The following FSTL4 variants were observed in gnomAD, a reference collection of about 807,000 sequenced individuals.
FSTL4 encodes follistatin-related protein 4.
Under a neutral mutation model 78.2 loss-of-function variants are expected in FSTL4, and 28 were observed. The ratio of observed to expected loss-of-function variants is 0.36; its 90% CI spans 0.27 to 0.49. The LOEUF (loss-of-function observed/expected upper bound fraction) is 0.49. FSTL4 is among the 20% of genes least tolerant of loss of function. FSTL4 has a pLI of 0.98. For synonymous variants in FSTL4, 422 were observed against 440.5 expected, an observed-to-expected ratio of 0.96 and a Z score of 0.53; for missense variants, 922 against 1,084.9, an observed-to-expected ratio of 0.85 and a Z score of 2.11.
chr5:133,399,531 G>C (rs1326711241), intron 4 of FSTL4, among the ~76,000 whole-genome samples: 4 of 152,300 alleles, frequency 2.6e-5, no homozygotes, highest in Admixed American at 1.3e-4. Flanking sequence ...AGATGTAACA[G>C]AGGCCAACAC....
chr5:133,837,316 C>T, the FSTL4 span, among the ~76,000 whole-genome samples: 1 of 152,112 alleles, frequency 6.6e-6, no homozygotes, highest in Non-Finnish European at 1.5e-5. Flanking sequence ...TGTTGTTGCT[C>T]AAATTCTTGA....
At chr5:133,815,106 A>C in the FSTL4 span, among the ~76,000 whole-genome samples, 46 of 152,296 alleles carry the variant, frequency 3.0e-4, no homozygotes, top group East Asian at 8.1e-3. Context: ...CTAGGATAAG[A>C]CCCGTGGCCT....
chr5:133,815,117 A>G, the FSTL4 span, among the ~76,000 whole-genome samples: 407 of 152,346 alleles, frequency 2.7e-3, 1 homozygote, highest in African/African-American at 9.6e-3. Context: ...CCCGTGGCCT[A>G]AAAGGACAGA....
chr5:133,644,804 C>A, the FSTL4 span, among the ~76,000 whole-genome samples: 1 of 152,144 alleles, frequency 6.6e-6, no homozygotes, highest in Non-Finnish European at 1.5e-5. Flanking sequence ...TGGTCAACAT[C>A]CACAAGCTCC....
At chr5:133,423,100 A>G (rs767354619) in intron 3 of FSTL4, among the ~76,000 whole-genome samples, 2 of 152,200 alleles carry the variant, frequency 1.3e-5, no homozygotes, top group Non-Finnish European at 2.9e-5. Context: ...GGGGAAATGG[A>G]AAGAAAAAGA....
the FSTL4 span, among the ~76,000 whole-genome samples, chr5:133,722,402 T>A: frequency 6.6e-6 from 1 of 152,186 alleles, no homozygotes; most frequent in African/African-American, 2.4e-5. Flanking sequence ...GTATGTTTTT[T>A]ATTTTATCAA....
At chr5:133,602,631 C>T (rs1042352013) in intron 2 of FSTL4, among the ~76,000 whole-genome samples, 1 of 152,170 alleles carries the variant, frequency 6.6e-6, no homozygotes, top group Non-Finnish European at 1.5e-5. Flanking sequence ...AAGGGAAATG[C>T]TGTTCTCACC....
the FSTL4 span, among the ~76,000 whole-genome samples, chr5:133,661,258 G>A: frequency 6.6e-6 from 1 of 152,196 alleles, no homozygotes; most frequent in South Asian, 2.1e-4. Context: ...CCAAAGTGCC[G>A]GGATTACAGG....
At chr5:133,293,822 A>C (rs1753323231) in intron 6 of FSTL4, among the ~76,000 whole-genome samples, 1 of 152,188 alleles carries the variant, frequency 6.6e-6, no homozygotes, top group Non-Finnish European at 1.5e-5. Flanking sequence ...CTTTGCACTA[A>C]TAAATATTGC....
At chr5:133,714,917 G>A in the FSTL4 span, among the ~76,000 whole-genome samples, 3 of 152,260 alleles carry the variant, frequency 2.0e-5, 1 homozygote, top group South Asian at 6.2e-4. Flanking sequence ...TGAGACTTAT[G>A]CACCAGCTGG....
intron 3 of FSTL4, among the ~76,000 whole-genome samples, chr5:133,460,111 G>GC (rs1392615702): frequency 6.6e-6 from 1 of 152,178 alleles, no homozygotes; most frequent in African/African-American, 2.4e-5. Flanking sequence ...GGGTATTTAA[G>GC]CCCCCATAAA....
At chr5:133,609,130 G>A (rs1761036190) in intron 1 of FSTL4, among the ~76,000 whole-genome samples, 1 of 152,116 alleles carries the variant, frequency 6.6e-6, no homozygotes, top group Admixed American at 6.5e-5. Flanking sequence ...TACAGAAATG[G>A]CTTCTTTTTG....
At chr5:133,725,043 C>G in the FSTL4 span, among the ~76,000 whole-genome samples, 1 of 152,178 alleles carries the variant, frequency 6.6e-6, no homozygotes, top group Non-Finnish European at 1.5e-5. Context: ...GGGAGGATTT[C>G]TGGACCCTAT....
At chr5:133,794,396 T>G in the FSTL4 span, among the ~76,000 whole-genome samples, 1 of 152,232 alleles carries the variant, frequency 6.6e-6, no homozygotes, top group Non-Finnish European at 1.5e-5. Flanking sequence ...TTAGTGTGGC[T>G]GACCAAGGCC....
chr5:133,640,478 G>A, the FSTL4 span, among the ~76,000 whole-genome samples: 1 of 152,148 alleles, frequency 6.6e-6, no homozygotes, highest in African/African-American at 2.4e-5. Context: ...TTCAAAGCAA[G>A]GTCAGAGTTG....
chr5:133,386,146 A>G (rs1037839668), intron 4 of FSTL4, among the ~76,000 whole-genome samples: 1 of 152,246 alleles, frequency 6.6e-6, no homozygotes, highest in African/African-American at 2.4e-5. Context: ...ACAGAATTAA[A>G]GAACAGAAAG....
Position 133,390,752 on chromosome 5 carries a change from G to A in FSTL4, c.409+9986C>T, listed in dbSNP as rs191956254. Among the ~76,000 whole-genome samples the A allele has an allele frequency of 2.7e-3, 412 of 152,324 alleles. 2 individuals are homozygous for A. Among genetic ancestry groups the A allele is most frequent in the Middle Eastern group, 0.01 (3 of 294 alleles). ...GATGAGCAGTCATTTACTCTCCCCT[G>A]GGTCACTGCCTCCTGATCCCCCTCA... is the stretch of plus-strand genomic sequence containing the variant. On this transcript the variant is annotated intron_variant, in intron 4 of 15. Coordinates refer to ENST00000265342, the MANE Select transcript of FSTL4 (RefSeq NM_015082.2).
chr5:133,775,530 A>T, the FSTL4 span, among the ~76,000 whole-genome samples: 4 of 152,236 alleles, frequency 2.6e-5, no homozygotes, highest in Non-Finnish European at 5.9e-5. Context: ...ATTGACGACA[A>T]AAACCACCGA....
At chr5:133,635,302 C>G in the FSTL4 span, among the ~76,000 whole-genome samples, 108,664 of 152,156 alleles carry the variant, frequency 0.71, 39,209 homozygotes, top group African/African-American at 0.81. Context: ...GGTCAGAGAA[C>G]ACAAGGTAGC....
Sources: gnomAD v4.1 joint callset for allele counts (sites outside exome capture counted in the v4.1 genomes callset) on GRCh38, gnomAD v4.1.1 for gene constraint, MANE v1.5 for transcripts, NCBI Gene and HGNC (gene_info 2026-07-23, HGNC 2026-07-21) for gene names.